Variants in HORMAD2 observed in about 807,000 individuals in gnomAD.
HORMAD2 encodes HORMA domain containing 2.
A neutral mutation model predicts 38.8 loss-of-function variants in HORMAD2; 45 were observed. That is an observed-to-expected ratio of 1.16 (90% CI 0.91 to 1.49). HORMAD2 has a LOEUF of 1.49. Among genes scored for constraint, HORMAD2 ranks in the 40% most tolerant of loss-of-function variants. The probability of loss-of-function intolerance (pLI) is 0.00; values close to 1 mark genes in which losing one functional copy is unlikely to be tolerated. For missense variants in HORMAD2, 338 were observed against 367.0 expected (o/e 0.92, Z 0.65); for synonymous variants, 126 against 122.8 (o/e 1.03, Z -0.17).
rs376408500 is a variant in HORMAD2, at chr22:30,106,230, C to T, written c.294+1793C>T. Among the ~76,000 whole-genome samples, 12 of 152,218 alleles carry T rather than the reference C, an allele frequency of 7.9e-5. No individual in the cohort carries two copies. The East Asian group carries it at 9.6e-4, about 12-fold the overall frequency. On this transcript the variant is annotated intron_variant, in intron 5 of 10. Coordinates refer to ENST00000336726, the MANE Select transcript of HORMAD2 (RefSeq NM_152510.4). ...TTCACCATGTTGGCTAGGCTTCTCT[C>T]GAACTCCTGACCTCAAGTGATCTGC... is the stretch of plus-strand genomic sequence containing the variant.
At chr22:30,201,043 C>T in the HORMAD2 span, among the ~76,000 whole-genome samples, 1 of 152,150 alleles carries the variant, frequency 6.6e-6, no homozygotes, top group South Asian at 2.1e-4. Context: ...AGCCACCACG[C>T]CCGGCCAGAA....
At chr22:30,104,459 C>T (rs761591371) in intron 5 of HORMAD2, 22 bp downstream of exon 5, 2 of 1,575,040 alleles carry the variant, frequency 1.3e-6, no homozygotes, top group Admixed American at 3.5e-5. Context: ...TTTACACTTA[C>T]ACTGGAATCA....
At chr22:30,085,173 A>G (rs2068549656) in intron 1 of HORMAD2, among the ~76,000 whole-genome samples, 1 of 151,866 alleles carries the variant, frequency 6.6e-6, no homozygotes, top group South Asian at 2.1e-4. Flanking sequence ...GCTAAACAAG[A>G]CACAAAAGAT....
chr22:30,111,697 G>A (rs1260750441), intron 5 of HORMAD2, 99 bp from the exon 6 acceptor site: 24 of 986,292 alleles, frequency 2.4e-5, no homozygotes, highest in East Asian at 8.5e-5. Flanking sequence ...CAAATCTTTC[G>A]AACCTCTCTG....
intron 1 of HORMAD2, among the ~76,000 whole-genome samples, chr22:30,088,056 T>C (rs2068604638): frequency 6.6e-6 from 1 of 151,268 alleles, no homozygotes; most frequent in Non-Finnish European, 1.5e-5. Context: ...CGTACACACG[T>C]ATACATATAC....
the HORMAD2 span, among the ~76,000 whole-genome samples, chr22:30,197,390 C>T: frequency 6.6e-6 from 1 of 152,222 alleles, no homozygotes; most frequent in East Asian, 1.9e-4. Flanking sequence ...TCAGATTAAC[C>T]AGCATGAGCA....
intron 10 of HORMAD2, among the ~76,000 whole-genome samples, chr22:30,156,549 A>G (rs1925089579): frequency 6.6e-6 from 1 of 152,238 alleles, no homozygotes; most frequent in Non-Finnish European, 1.5e-5. Context: ...CTAATGATTA[A>G]TAAGTTCATG....
At position 30,096,364 on chromosome 22, in the gene HORMAD2, C is replaced by T. The variant is rs557960169; in HGVS notation, c.51+2361C>T. ...TTATTATATACTGCCAAGCACTTTT[C>T]CAAAGAGGTTGTGCCCATTTACCCT... On this transcript the variant is annotated intron_variant, in intron 2 of 10. Coordinates refer to ENST00000336726, the MANE Select transcript of HORMAD2 (RefSeq NM_152510.4). 2.6e-5 allele frequency among the ~76,000 whole-genome samples: 4 copies of T among 152,236 alleles called. No homozygotes were observed. The East Asian group carries it at 7.7e-4, about 29-fold the overall frequency.
intron 10 of HORMAD2, among the ~76,000 whole-genome samples, chr22:30,153,048 A>G (rs1924851213): frequency 6.6e-6 from 1 of 151,844 alleles, no homozygotes; most frequent in African/African-American, 2.4e-5. Flanking sequence ...CCTTTTCCAC[A>G]CATAGAACAA....
chr22:30,162,979 G>A (rs1393116886), intron 10 of HORMAD2, among the ~76,000 whole-genome samples: 1 of 152,040 alleles, frequency 6.6e-6, no homozygotes, highest in Non-Finnish European at 1.5e-5. Context: ...TGGGATTACA[G>A]GCGTGAGCCA....
intron 8 of HORMAD2, among the ~76,000 whole-genome samples, chr22:30,121,398 C>T (rs1481092943): frequency 1.3e-5 from 2 of 151,994 alleles, no homozygotes; most frequent in Non-Finnish European, 2.9e-5. Context: ...TTTTTCAAAT[C>T]AAATTTTTAA....
At chr22:30,159,647 G>C (rs1043125616) in intron 10 of HORMAD2, among the ~76,000 whole-genome samples, 6 of 152,120 alleles carry the variant, frequency 3.9e-5, no homozygotes, top group Non-Finnish European at 8.8e-5. Flanking sequence ...TAATTCCAGG[G>C]ATACCTAAAA....
chr22:30,100,065 A>G (rs1488154652), intron 3 of HORMAD2, among the ~76,000 whole-genome samples: 1 of 152,148 alleles, frequency 6.6e-6, no homozygotes, highest in Non-Finnish European at 1.5e-5. Context: ...GACTTTCTTC[A>G]CAGAATTAGA....
intron 1 of HORMAD2, among the ~76,000 whole-genome samples, chr22:30,090,354 C>A (rs1301988315): frequency 3.9e-5 from 6 of 152,166 alleles, no homozygotes; most frequent in Non-Finnish European, 7.3e-5. Context: ...CAGAAGGAGA[C>A]CCCGTCTCAA....
At chr22:30,195,321 T>A in the HORMAD2 span, among the ~76,000 whole-genome samples, 1 of 152,204 alleles carries the variant, frequency 6.6e-6, no homozygotes, top group Non-Finnish European at 1.5e-5. Context: ...AGATGAATGA[T>A]CCTTTCATTT....
the HORMAD2 span, among the ~76,000 whole-genome samples, chr22:30,192,519 CA>C: frequency 6.6e-6 from 1 of 152,092 alleles, no homozygotes; most frequent in African/African-American, 2.4e-5. Flanking sequence ...AGTTTCAGAA[CA>C]AATTTTGAAT....
chr22:30,205,778 G>A, the HORMAD2 span, among the ~76,000 whole-genome samples: 1 of 152,174 alleles, frequency 6.6e-6, no homozygotes, highest in East Asian at 1.9e-4. Flanking sequence ...GACCGGAAAA[G>A]CCGCTGCCCG....
intron 1 of HORMAD2, among the ~76,000 whole-genome samples, chr22:30,088,074 T>C (rs921262522): frequency 2.7e-5 from 4 of 150,584 alleles, no homozygotes; most frequent in Non-Finnish European, 5.9e-5. Flanking sequence ...TACACACACG[T>C]ACACACGTGT....
At chr22:30,144,021 A>G (rs554547950) in intron 10 of HORMAD2, among the ~76,000 whole-genome samples, 28 of 152,306 alleles carry the variant, frequency 1.8e-4, no homozygotes, top group African/African-American at 6.7e-4. Flanking sequence ...AGCCTACAGA[A>G]CCATGAGCCA....
Sources: allele counts gnomAD v4.1 joint callset (sites outside exome capture counted in the v4.1 genomes callset), GRCh38; gene constraint gnomAD v4.1.1; transcripts MANE v1.5; gene names NCBI Gene and HGNC (gene_info 2026-07-23, HGNC 2026-07-21).